The following ZMAT4 variants were observed in gnomAD, a reference collection of about 807,000 sequenced individuals.
The protein encoded by ZMAT4 is zinc finger matrin-type 4.
In ZMAT4, 17 loss-of-function variants were observed where a neutral mutation model predicts 28.7. The ratio of observed to expected loss-of-function variants is 0.59; its 90% confidence interval spans 0.41 to 0.89. ZMAT4 has a LOEUF of 0.89. ZMAT4 is among the 40% of genes least tolerant of loss of function. The pLI, the probability that ZMAT4 is intolerant of heterozygous loss-of-function variation, is 0.00. For synonymous variants in ZMAT4, 117 were observed against 109.2 expected, an observed-to-expected ratio of 1.07 and a Z score of -0.44; for missense variants, 240 against 283.8, an observed-to-expected ratio of 0.85 and a Z score of 1.11.
At chr8:40,660,750 A>T (rs1808152331) in intron 5 of ZMAT4, among the ~76,000 whole-genome samples, 1 of 152,212 alleles carries the variant, frequency 6.6e-6, no homozygotes, top group African/African-American at 2.4e-5. Flanking sequence ...CATTTACATA[A>T]GATGATAATG....
intron 4 of ZMAT4, among the ~76,000 whole-genome samples, chr8:40,682,666 C>G (rs1002198363): frequency 6.6e-6 from 1 of 152,164 alleles, no homozygotes; most frequent in Non-Finnish European, 1.5e-5. Context: ...ATGAAGATGA[C>G]TTAAGGGGAC....
chr8:40,543,258 A>C (rs17636808), intron 6 of ZMAT4, among the ~76,000 whole-genome samples: 6,074 of 152,320 alleles, frequency 0.04, 149 homozygotes, highest in South Asian at 0.093. Context: ...AGGCCACGGA[A>C]GAGGATAGAG....
intron 4 of ZMAT4, chr8:40,690,855 A>G: frequency 1.0e-6 from 1 of 962,992 alleles, no homozygotes; most frequent in African/African-American, 1.8e-5. Flanking sequence ...ATAAGATTTT[A>G]GAAGAGGAAT....
At chr8:40,681,081 A>C (rs1809143470) in intron 4 of ZMAT4, among the ~76,000 whole-genome samples, 1 of 152,166 alleles carries the variant, frequency 6.6e-6, no homozygotes, top group African/African-American at 2.4e-5. Context: ...CTGGTCAATA[A>C]GGCAGCTTGA....
chr8:40,879,113 A>G (rs1211711688), intron 1 of ZMAT4, among the ~76,000 whole-genome samples: 2 of 152,060 alleles, frequency 1.3e-5, no homozygotes, highest in Non-Finnish European at 2.9e-5. Context: ...ACCCATGTCT[A>G]CCTCTTTGTT....
intron 5 of ZMAT4, among the ~76,000 whole-genome samples, chr8:40,650,712 A>T (rs1807600003): frequency 7.6e-6 from 1 of 131,934 alleles, no homozygotes; most frequent in Non-Finnish European, 1.6e-5. Context: ...GCAGCACATC[A>T]AAAAGCTTAT....
intron 5 of ZMAT4, among the ~76,000 whole-genome samples, chr8:40,587,291 G>A (rs1334039198): frequency 6.6e-6 from 1 of 152,094 alleles, no homozygotes; most frequent in Non-Finnish European, 1.5e-5. Context: ...TCTTCTGGTG[G>A]AGGGGAAATG....
chr8:40,747,388 T>C (rs1325170148), intron 3 of ZMAT4, among the ~76,000 whole-genome samples: 4 of 152,170 alleles, frequency 2.6e-5, no homozygotes, highest in African/African-American at 9.6e-5. Flanking sequence ...GATTTCTATT[T>C]TATTTCTAGG....
rs531362387 is a variant in ZMAT4 at position 40,781,097 on chromosome 8, TA to T, written c.103-13368del. On this transcript the variant is annotated intron_variant, in intron 2 of 6. Transcript: ENST00000297737. ...AAGCATCTAAACTGGAAAGAAGAAA[TA>T]AAACTCTCTCTACTTGCAGATGACA... Among the ~76,000 whole-genome samples, 5 of 152,080 alleles carry T rather than the reference TA, an allele frequency of 3.3e-5. No individual in the cohort carries two copies. The East Asian group carries it at 9.7e-4, about 29-fold the overall frequency.
chr8:40,615,894 A>T (rs1805985273), intron 5 of ZMAT4, among the ~76,000 whole-genome samples: 1 of 152,184 alleles, frequency 6.6e-6, no homozygotes, highest in Admixed American at 6.5e-5. Context: ...ATGGGATCTA[A>T]TTAAACTAAA....
intron 6 of ZMAT4, among the ~76,000 whole-genome samples, chr8:40,577,206 A>G (rs1329970845): frequency 6.6e-6 from 1 of 152,162 alleles, no homozygotes; most frequent in African/African-American, 2.4e-5. Context: ...AAAAAGAAAA[A>G]AAAAAGATGT....
chr8:40,656,973 G>A (rs1807955272), intron 5 of ZMAT4, among the ~76,000 whole-genome samples: 1 of 152,102 alleles, frequency 6.6e-6, no homozygotes, highest in African/African-American at 2.4e-5. Context: ...CCAGTGAAAT[G>A]TATACTTCAA....
At chr8:40,747,201 G>T (rs1353060914) in intron 3 of ZMAT4, among the ~76,000 whole-genome samples, 3 of 152,104 alleles carry the variant, frequency 2.0e-5, no homozygotes, top group Non-Finnish European at 2.9e-5. Flanking sequence ...TGATCCGTTT[G>T]GTTTATTAAA....
chr8:40,647,212 G>A (rs1305584659), intron 5 of ZMAT4, among the ~76,000 whole-genome samples: 2 of 152,148 alleles, frequency 1.3e-5, no homozygotes, highest in Non-Finnish European at 2.9e-5. Context: ...AGGTCAGTGG[G>A]TGCGCCCACC....
intron 5 of ZMAT4, among the ~76,000 whole-genome samples, chr8:40,599,260 T>C (rs1228222172): frequency 1.3e-5 from 2 of 152,182 alleles, no homozygotes; most frequent in Admixed American, 6.5e-5. Context: ...AGTTCCAACA[T>C]AGGATCTGAC....
chr8:40,866,606 G>A (rs1817684355), intron 1 of ZMAT4, among the ~76,000 whole-genome samples: 1 of 152,106 alleles, frequency 6.6e-6, no homozygotes, highest in South Asian at 2.1e-4. Context: ...TTCCCCCTAA[G>A]TTCCTAAAAG....
chr8:40,611,740 A>G (rs573886781), intron 5 of ZMAT4, among the ~76,000 whole-genome samples: 2 of 152,338 alleles, frequency 1.3e-5, no homozygotes, highest in South Asian at 4.1e-4. Context: ...CTTCTGGAGA[A>G]AATGTTTGTC....
At chr8:40,649,404 A>G (rs1807520856) in intron 5 of ZMAT4, among the ~76,000 whole-genome samples, 1 of 152,170 alleles carries the variant, frequency 6.6e-6, no homozygotes, top group African/African-American at 2.4e-5. Flanking sequence ...ACCCAATACA[A>G]GAGCACCAAG....
chr8:40,546,576 T>C (rs923594492), intron 6 of ZMAT4, among the ~76,000 whole-genome samples: 4 of 152,208 alleles, frequency 2.6e-5, no homozygotes, highest in African/African-American at 9.6e-5. Flanking sequence ...AAATCCTTTT[T>C]GTTGACTTTG....
Sources: allele counts gnomAD v4.1 joint callset (sites outside exome capture counted in the v4.1 genomes callset), GRCh38; gene constraint gnomAD v4.1.1; transcripts MANE v1.5; gene names NCBI Gene and HGNC (gene_info 2026-07-23, HGNC 2026-07-21).